Variants in COL27A1 observed in about 807,000 individuals in gnomAD.
COL27A1 encodes collagen alpha-1(XXVII) chain.
Under a neutral mutation model 251.3 loss-of-function variants are expected in COL27A1, and 106 were observed. That is an observed-to-expected ratio of 0.42 (90% CI 0.36 to 0.50). The LOEUF (loss-of-function observed/expected upper bound fraction) is 0.50, where lower values mean the gene tolerates loss of function less well. Ranked by LOEUF, COL27A1 falls within the 20% of genes least tolerant of loss-of-function variation. COL27A1 has a pLI of 0.00. For synonymous variants in COL27A1, 1,000 were observed against 986.3 expected (o/e 1.01, Z -0.26); for missense variants, 2,325 against 2,522.8 (o/e 0.92, Z 1.68).
chr9:114,176,547 G>T (rs890384301), intron 3 of COL27A1, among the ~76,000 whole-genome samples: 1 of 151,132 alleles, frequency 6.6e-6, no homozygotes, highest in East Asian at 1.9e-4. Flanking sequence ...GGGTGGGGGG[G>T]GGTGCCCTAT....
intron 55 of COL27A1, 81 bp from the exon 56 acceptor site, chr9:114,302,001 G>A (rs903797754): frequency 2.1e-5 from 29 of 1,351,244 alleles, no homozygotes; most frequent in African/African-American, 2.9e-5. Context: ...TGCTTTGATG[G>A]TCTCCCTGGT....
intron 13 of COL27A1, 30 bp downstream of exon 13, chr9:114,219,874 G>A: frequency 6.5e-7 from 1 of 1,548,516 alleles, no homozygotes; most frequent in Non-Finnish European, 8.9e-7. Context: ...GGGAACAGGA[G>A]CGAGATTCTG....
At chr9:114,283,834 C>T in intron 40 of COL27A1, 72 bp downstream of exon 40, 1 of 1,481,910 alleles carries the variant, frequency 6.7e-7, no homozygotes. Flanking sequence ...CCATGCCAGC[C>T]TCTGCCCCAC....
At position 114,264,392 on chromosome 9, in the gene COL27A1, G is replaced by A. The variant is rs780087702; in HGVS notation, c.3233G>A (p.Gly1078Glu). The change falls in exon 29 of 61, where the codon GGG becomes GAG. Residue 1078 changes from glycine to glutamate, a missense_variant. By Grantham distance (98) the Gly-to-Glu change is moderately conservative (BLOSUM62 -2). Coordinates refer to ENST00000356083, the MANE Select transcript of COL27A1 (RefSeq NM_032888.4). Reference sequence around the variant, plus strand: ...CCGGACGGACCAGCTGGGGAGCAAGGGTCCAGGGGCCTGAAGGTACCGACC... The same window carrying A: ...CCGGACGGACCAGCTGGGGAGCAAGAGTCCAGGGGCCTGAAGGTACCGACC... ...RGPDGPAGEQ[G>E]SRGLKGPPGP... The A allele has an allele frequency of 6.3e-7, 1 of 1,593,866 alleles. No homozygotes were observed. Among genetic ancestry groups the A allele is most frequent in the Non-Finnish European group, 8.5e-7 (1 of 1,169,630 alleles).
At position 114,191,321 on chromosome 9, in the gene COL27A1, G is replaced by A. The variant is rs919256611; in HGVS notation, c.2017-3083G>A. ...AGGATGTGTAGGTTTGTTACATAGG[G>A]AAACGTGTGCCATGGTGGTTTGTTG... On this transcript the variant is annotated intron_variant, in intron 5 of 60. Transcript: ENST00000356083. 3.3e-5 allele frequency among the ~76,000 whole-genome samples: 5 copies of A among 152,028 alleles called. No homozygotes were observed. In the South Asian group the frequency reaches 1.0e-3, roughly 32 times the overall value.
At position 114,294,470 on chromosome 9, in the gene COL27A1, A is replaced by T. The variant is rs1188944314; in HGVS notation, c.4584+2260A>T. Among the ~76,000 whole-genome samples the T allele has an allele frequency of 2.0e-5, 3 of 152,322 alleles. No individual in the cohort carries two copies. The South Asian group carries it at 6.2e-4, about 32-fold the overall frequency. The stretch of plus-strand genomic sequence containing the variant: ...AAATTTTAGTTAGAGGAACCTAAGA[A>T]TATATAATAAGGATAATACATCAAG... On this transcript the variant is annotated intron_variant, in intron 49 of 60. Coordinates refer to ENST00000356083, the MANE Select transcript of COL27A1 (RefSeq NM_032888.4).
chr9:114,173,192 G>T (rs1849443343), intron 3 of COL27A1, among the ~76,000 whole-genome samples: 1 of 149,558 alleles, frequency 6.7e-6, no homozygotes, highest in African/African-American at 2.6e-5. Context: ...CACAGAAGCT[G>T]CACAGAAGCC....
chr9:114,243,831 G>A (rs764479211), intron 23 of COL27A1, among the ~76,000 whole-genome samples: 4 of 152,206 alleles, frequency 2.6e-5, no homozygotes, highest in Admixed American at 1.3e-4. Context: ...TGAATGTGGG[G>A]TGGGGGTGGT....
chr9:114,304,100 T>A (rs1399937556), intron 56 of COL27A1, among the ~76,000 whole-genome samples: 1 of 152,232 alleles, frequency 6.6e-6, no homozygotes, highest in African/African-American at 2.4e-5. Flanking sequence ...CTTGAACAAC[T>A]AAACTGTCTC....
At chr9:114,161,615 T>C (rs1269630553) in intron 1 of COL27A1, among the ~76,000 whole-genome samples, 2 of 152,188 alleles carry the variant, frequency 1.3e-5, no homozygotes, top group East Asian at 1.9e-4. Flanking sequence ...CTCTTGGAAA[T>C]ACATCCTGGG....
intron 37 of COL27A1, among the ~76,000 whole-genome samples, chr9:114,279,141 C>A (rs893104979): frequency 1.3e-5 from 2 of 152,162 alleles, no homozygotes; most frequent in Non-Finnish European, 2.9e-5. Flanking sequence ...CTGGAAAATG[C>A]CACCAATCAC....
chr9:114,247,336 C>T (rs1407687388), intron 24 of COL27A1, among the ~76,000 whole-genome samples: 1 of 152,144 alleles, frequency 6.6e-6, no homozygotes, highest in African/African-American at 2.4e-5. Context: ...GGTAGTACTA[C>T]TGTGGTTTGT....
chr9:114,171,337 C>T (rs1014161643), intron 3 of COL27A1, among the ~76,000 whole-genome samples: 8 of 152,182 alleles, frequency 5.3e-5, no homozygotes, highest in African/African-American at 9.7e-5. Context: ...AAGACTAGCA[C>T]GTTCCATCCC....
At chr9:114,230,508 G>A (rs1432539029) in intron 14 of COL27A1, among the ~76,000 whole-genome samples, 1 of 152,154 alleles carries the variant, frequency 6.6e-6, no homozygotes, top group Non-Finnish European at 1.5e-5. Flanking sequence ...CTGAAGCTGG[G>A]TCTCCAACCT....
rs1476584202 is a variant in COL27A1, at chr9:114,290,533, C to T, written c.4368+202C>T. On this transcript the variant is annotated intron_variant, in intron 47 of 60. Coordinates refer to ENST00000356083, the MANE Select transcript of COL27A1 (RefSeq NM_032888.4). This position sits in a 1 kb window ranked among gnomAD's most constrained non-coding sequence, Gnocchi z 4.6. Reference sequence around the variant, plus strand: ...CCTTCTGACTGTCTCTCCTGGATGCCAGCACCCAGAAAGACCTTCCTTTCC... The same window carrying T: ...CCTTCTGACTGTCTCTCCTGGATGCTAGCACCCAGAAAGACCTTCCTTTCC... Among the ~76,000 whole-genome samples the T allele has an allele frequency of 6.6e-6, 1 of 152,144 alleles. No homozygotes were observed. Among genetic ancestry groups the T allele is most frequent in the African/African-American group, 2.4e-5 (1 of 41,418 alleles).
intron 24 of COL27A1, among the ~76,000 whole-genome samples, chr9:114,247,851 T>C (rs1461526394): frequency 6.6e-6 from 1 of 152,228 alleles, no homozygotes; most frequent in Non-Finnish European, 1.5e-5. Flanking sequence ...GACCTCCTTG[T>C]AATCATAGTA....
At chr9:114,205,539 T>A (rs1343369796) in intron 8 of COL27A1, among the ~76,000 whole-genome samples, 3 of 152,176 alleles carry the variant, frequency 2.0e-5, no homozygotes, top group African/African-American at 7.2e-5. Flanking sequence ...CTCAGTAATT[T>A]CTTATTCCTG....
rs1479586195 is a variant in COL27A1, at chr9:114,301,562, C to G, written c.4809+100C>G. 6 of 1,534,852 alleles carry G rather than the reference C, an allele frequency of 3.9e-6. No homozygotes were observed. The East Asian group carries it at 1.1e-4, about 29-fold the overall frequency. The stretch of plus-strand genomic sequence containing the variant: ...TTCTCTCCCTCCGGACCTCCGTCAT[C>G]CCGTCTGTGCCAGAGGAACCATTGT... On this transcript the variant is annotated intron_variant, in intron 54 of 60. Transcript: ENST00000356083.
rs138913107 is a variant in COL27A1 at position 114,245,891 on chromosome 9, C to G, written c.2960C>G (p.Pro987Arg). Reference sequence around the variant, plus strand: ...GGGGAACCAGGGGATCCTGGTCGGCCGGGGCCTGTGGGAGAGCAGGTTAGT... The same window carrying G: ...GGGGAACCAGGGGATCCTGGTCGGCGGGGGCCTGTGGGAGAGCAGGTTAGT... ...VKGEPGDPGR[P>R]GPVGEQGFMG... The change falls in exon 24 of 61, where the codon CCG becomes CGG. Residue 987 changes from proline to arginine, a missense_variant. Pro to Arg is a moderately radical substitution (Grantham distance 103, BLOSUM62 -2). Coordinates refer to ENST00000356083, the MANE Select transcript of COL27A1 (RefSeq NM_032888.4). 6.2e-7 allele frequency: 1 copy of G among 1,613,044 alleles called. No homozygotes were observed. Among genetic ancestry groups the G allele is most frequent in the Non-Finnish European group, 8.5e-7 (1 of 1,179,530 alleles).
Sources: allele counts gnomAD v4.1 joint callset (sites outside exome capture counted in the v4.1 genomes callset), GRCh38; gene constraint gnomAD v4.1.1; non-coding constraint Gnocchi (gnomAD v3.1); transcripts MANE v1.5; gene names NCBI Gene and HGNC (gene_info 2026-07-23, HGNC 2026-07-21).